Variants in YARS2 observed in about 807,000 individuals in gnomAD.
YARS2 encodes tyrosyl-tRNA synthetase 2.
A neutral mutation model predicts 45.0 loss-of-function variants in YARS2; 38 were observed. That is an observed-to-expected ratio of 0.84 (90% confidence interval 0.65 to 1.11). YARS2 has a LOEUF of 1.11. Ranked by LOEUF, YARS2 falls within the 50% of genes least tolerant of loss-of-function variation. The probability of loss-of-function intolerance (pLI) is 0.00; values close to 1 mark genes in which losing one functional copy is unlikely to be tolerated. For synonymous variants in YARS2, 287 were observed against 245.1 expected, an observed-to-expected ratio of 1.17 and a Z score of -1.60; for missense variants, 602 against 599.8, an observed-to-expected ratio of 1.00 and a Z score of -0.04.
chr12:32,748,883 A>G (rs1955688637), intron 4 of YARS2, among the ~76,000 whole-genome samples: 1 of 152,234 alleles, frequency 6.6e-6, no homozygotes, highest in African/African-American at 2.4e-5. Context: ...AACTCCTGCA[A>G]AAGAGGCACC....
chr12:32,753,870 C>A (rs1955793828), intron 2 of YARS2, 48 bp downstream of exon 2: 2 of 1,609,736 alleles, frequency 1.2e-6, no homozygotes, highest in African/African-American at 2.7e-5. Context: ...AAAATTACAT[C>A]ATGAGTTTAT....
At chr12:32,754,737 G>A (rs746712537) in intron 1 of YARS2, among the ~76,000 whole-genome samples, 5 of 132,746 alleles carry the variant, frequency 3.8e-5, no homozygotes, top group Admixed American at 7.8e-5. Context: ...TTTTTGAGAC[G>A]GAGTCTCCCT....
intron 2 of YARS2, among the ~76,000 whole-genome samples, chr12:32,752,343 C>T (rs7957603): frequency 0.15 from 23,027 of 151,992 alleles, 1,837 homozygotes; most frequent in African/African-American, 0.2. Flanking sequence ...CAGTGGCTCA[C>T]GTCTGTAATC....
intron 4 of YARS2, among the ~76,000 whole-genome samples, 166 bp downstream of exon 4, chr12:32,749,771 G>A (rs1246465517): frequency 6.6e-6 from 1 of 152,024 alleles, no homozygotes; most frequent in Non-Finnish European, 1.5e-5. Flanking sequence ...TAGAGACAGG[G>A]TTTCACCGTG....
chr12:32,755,468 C>A lies in YARS2; in HGVS notation c.407G>T (p.Arg136Leu), dbSNP rs773980984. 6.2e-7 allele frequency: 1 copy of A among 1,612,408 alleles called. No individual in the cohort carries two copies. Among genetic ancestry groups the A allele is most frequent in the South Asian group, 1.1e-5 (1 of 91,036 alleles). Residue 136 changes from arginine to leucine, a missense_variant, in exon 1 of 5, where the codon CGC becomes CTC. Arg to Leu is a moderately radical substitution (Grantham distance 102). Coordinates refer to ENST00000324868, the MANE Select transcript of YARS2 (RefSeq NM_001040436.3). Reference sequence around the variant, plus strand: ...CAGAGCTCGCGCGTTGGCTCGCACGCGCTCTGTCTCCAGCGCCTCGCGTTC... The same window carrying A: ...CAGAGCTCGCGCGTTGGCTCGCACGAGCTCTGTCTCCAGCGCCTCGCGTTC... ...TKEREALETE[R>L]VRANARALRL...
At chr12:32,753,829 A>C in intron 2 of YARS2, 89 bp downstream of exon 2, 1 of 1,560,172 alleles carries the variant, frequency 6.4e-7, no homozygotes, top group Non-Finnish European at 8.8e-7. Flanking sequence ...AAAAACAAAA[A>C]AACTATAAAA....
rs1955656992 is a variant in YARS2 at position 32,747,243 on chromosome 12, T to C, written c.1395A>G (p.Gly465=). The part of the protein sequence containing the change: ...LKNGLSLLKI[G]KRNFYIIKWL... Reference sequence around the variant, plus strand: ...ATTTTATAATGTAGAAATTTCTTTTTCCTATTTTAAGTAAGGAAAGTCCAT... The same window carrying C: ...ATTTTATAATGTAGAAATTTCTTTTCCCTATTTTAAGTAAGGAAAGTCCAT... The change falls in exon 5 of 5, where the codon GGA becomes GGG. Residue 465 remains glycine, a synonymous_variant. Transcript: ENST00000324868. The C allele has an allele frequency of 2.5e-6, 4 of 1,613,732 alleles. No individual in the cohort carries two copies. The East Asian group carries it at 8.9e-5, about 36-fold the overall frequency.
chr12:32,749,987 A>G lies in YARS2; in HGVS notation c.1224T>C (p.Ser408=), dbSNP rs371435850. 1.2e-6 allele frequency: 2 copies of G among 1,614,092 alleles called. No individual in the cohort carries two copies. The highest frequency in any genetic ancestry group is 1.1e-5 in the South Asian group (1 of 91,074). Residue 408 remains serine, a synonymous_variant, in exon 4 of 5, where the codon AGT becomes AGC. Coordinates refer to ENST00000324868, the MANE Select transcript of YARS2 (RefSeq NM_001040436.3). Reference sequence around the variant, plus strand: ...TTGCTTTGCGGCAAGTATCTAGGACACTTGTTCCAGGATCGAGAAAAAATT... The same window carrying G: ...TTGCTTTGCGGCAAGTATCTAGGACGCTTGTTCCAGGATCGAGAAAAAATT... ...FSEFFLDPGT[S]VLDTCRKANA...
chr12:32,747,421 C>CA lies in YARS2; in HGVS notation c.1275-59dup, dbSNP rs1031902328. 56 of 1,568,222 alleles carry CA rather than the reference C, an allele frequency of 3.6e-5. No homozygotes were observed. The Admixed American group carries it at 5.2e-4, about 15-fold the overall frequency. On this transcript the variant is annotated intron_variant, in intron 4 of 4. Coordinates refer to ENST00000324868, the MANE Select transcript of YARS2 (RefSeq NM_001040436.3). ...ATCCAATCACTGTTGATCTGTCCCC[C>CA]AAAAAAGACTGTTTCACTTAGATTT...
intron 2 of YARS2, among the ~76,000 whole-genome samples, chr12:32,751,353 C>T (rs1391691651): frequency 6.6e-6 from 1 of 152,000 alleles, no homozygotes; most frequent in Non-Finnish European, 1.5e-5. Flanking sequence ...TGGGCAGGAG[C>T]CACCAAGCCC....
Position 32,754,065 on chromosome 12 carries a change from A to G in YARS2, c.800T>C (p.Phe267Ser). 1 of 1,614,204 alleles carries G rather than the reference A, an allele frequency of 6.2e-7. No individual in the cohort carries two copies. Among genetic ancestry groups the G allele is most frequent in the South Asian group, 1.1e-5 (1 of 91,078 alleles). The change falls in exon 2 of 5, where the codon TTT (phenylalanine) becomes TCT (serine). Residue 267 changes from phenylalanine (F) to serine (S), a missense_variant. Transcript: ENST00000324868. ...FINKLTGEDV[F>S]GITVPLITST... is the part of the protein sequence containing the mutation. ...TGTAATTAGAGGAACGGTGATTCCA[A>G]ATACATCTTCTCCAGTCAACCTACG... is the stretch of plus-strand genomic sequence containing the variant.
intron 2 of YARS2, among the ~76,000 whole-genome samples, chr12:32,752,297 TCAC>T (rs1258806106): frequency 6.6e-6 from 1 of 152,124 alleles, no homozygotes; most frequent in Non-Finnish European, 1.5e-5. Flanking sequence ...TATGTAACCA[TCAC>T]CATGGTCAAG....
At position 32,747,046 on chromosome 12, in the gene YARS2, C is replaced by A. The variant is rs1955653041; in HGVS notation, c.*158G>T. The A allele has an allele frequency of 6.1e-6, 4 of 654,922 alleles. No individual in the cohort carries two copies. The highest frequency in any genetic ancestry group is 4.2e-4 in the Middle Eastern group (1 of 2,400). The allele number at this position is 654,922 out of a possible 1,614,324, so 40.6% of individuals were successfully genotyped here. On this transcript the variant is annotated 3_prime_UTR_variant, in exon 5 of 5. Transcript: ENST00000324868. Reference sequence around the variant, plus strand: ...CCATTATTAAACAAATATTTATTAACCGGCCCATAAAAATAATGAAGTTAC... The same window carrying A: ...CCATTATTAAACAAATATTTATTAAACGGCCCATAAAAATAATGAAGTTAC...
Position 32,755,261 on chromosome 12 carries a change from T to C in YARS2, c.614A>G (p.Gln205Arg). 2 of 1,614,130 alleles carry C rather than the reference T, an allele frequency of 1.2e-6. No homozygotes were observed. Among genetic ancestry groups the C allele is most frequent in the Non-Finnish European group, 1.7e-6 (2 of 1,180,034 alleles). The stretch of plus-strand genomic sequence containing the variant: ...GCCCTCGGGGCTCTTGAGCCGCAGC[T>C]GCACGCTCTGCCGGCTCAGCAGCGT... ...MGTLLSRQSV[Q>R]LRLKSPEGMS... The change falls in exon 1 of 5, where the codon CAG becomes CGG. Residue 205 changes from glutamine to arginine, a missense_variant. Transcript: ENST00000324868.
chr12:32,747,221 T>G lies in YARS2; in HGVS notation c.1417A>C (p.Lys473Gln), dbSNP rs1212525343. The G allele has an allele frequency of 1.9e-6, 3 of 1,612,906 alleles. No homozygotes were observed. The highest frequency in any genetic ancestry group is 2.5e-6 in the Non-Finnish European group (3 of 1,179,922). The stretch of plus-strand genomic sequence containing the variant: ...ACTTTTCATCACAACTGAAGCCATT[T>G]TATAATGTAGAAATTTCTTTTTCCT... ...KIGKRNFYII[K>Q]WLQL Residue 473 changes from lysine (K) to glutamine (Q), a missense_variant, in exon 5 of 5, where the codon AAA becomes CAA. Coordinates refer to ENST00000324868, the MANE Select transcript of YARS2 (RefSeq NM_001040436.3).
At chr12:32,752,759 A>C (rs1955771719) in intron 2 of YARS2, 1 of 411,424 alleles carries the variant, frequency 2.4e-6, no homozygotes, top group African/African-American at 2.2e-5. Flanking sequence ...AAAAAAAAAA[A>C]AAAAAAGATT....
rs1955653315 is a variant in YARS2, at chr12:32,747,052, C to T, written c.*152G>A. 1.5e-6 allele frequency: 1 copy of T among 678,538 alleles called. No homozygotes were observed. Among genetic ancestry groups the T allele is most frequent in the Non-Finnish European group, 2.5e-6 (1 of 403,802 alleles). The allele number at this position is 678,538 out of a possible 1,614,324, so 42.0% of individuals were successfully genotyped here. A position where few individuals can be genotyped will look rare whatever the true frequency, so the allele number is the denominator to read the frequency against. Reference sequence around the variant, plus strand: ...TTAAACAAATATTTATTAACCGGCCCATAAAAATAATGAAGTTACTCACAC... The same window carrying T: ...TTAAACAAATATTTATTAACCGGCCTATAAAAATAATGAAGTTACTCACAC... On this transcript the variant is annotated 3_prime_UTR_variant, in exon 5 of 5. Coordinates refer to ENST00000324868, the MANE Select transcript of YARS2 (RefSeq NM_001040436.3).
In YARS2 at chr12:32,752,041, G is replaced by A. The variant is rs536006431; in HGVS notation, c.948-1167C>T. On this transcript the variant is annotated intron_variant, in intron 2 of 4. Transcript: ENST00000324868. ...TGTGCTTCTACCCTGGGAGCAACAG[G>A]GTACACTGTATAGCCTAAGTGTGTA... is the stretch of plus-strand genomic sequence containing the variant. Among the ~76,000 whole-genome samples the A allele has an allele frequency of 1.2e-4, 18 of 152,226 alleles. No individual in the cohort carries two copies. The South Asian group carries it at 3.7e-3, about 32-fold the overall frequency.
At chr12:32,752,133 C>T (rs1015958426) in intron 2 of YARS2, among the ~76,000 whole-genome samples, 1 of 152,150 alleles carries the variant, frequency 6.6e-6, no homozygotes, top group Admixed American at 6.5e-5. Context: ...AATCACCTAA[C>T]AACACACTTC....
Sources: gnomAD v4.1 joint callset for allele counts (sites outside exome capture counted in the v4.1 genomes callset) on GRCh38, gnomAD v4.1.1 for gene constraint, MANE v1.5 for transcripts, NCBI Gene and HGNC (gene_info 2026-07-23, HGNC 2026-07-21) for gene names.